Variants in DSG1 observed in about 807,000 individuals in gnomAD.
The protein encoded by DSG1 is desmoglein 1, also known as desmoglein-1.
Under a neutral mutation model 97.5 loss-of-function variants are expected in DSG1, and 39 were observed. The ratio of observed to expected loss-of-function variants is 0.40; its 90% CI spans 0.31 to 0.52. The LOEUF (loss-of-function observed/expected upper bound fraction) is 0.52, where lower values mean the gene tolerates loss of function less well. Among genes scored for constraint, DSG1 ranks in the 20% least tolerant of loss-of-function variants. The pLI is 0.53. For missense variants in DSG1, 1,311 were observed against 1,295.4 expected (o/e 1.01, Z -0.18); for synonymous variants, 475 against 443.4 (o/e 1.07, Z -0.90).
At chr18:31,345,950 A>G (rs1312121321) in intron 13 of DSG1, 40 bp from the exon 14 acceptor site, 1 of 1,546,918 alleles carries the variant, frequency 6.5e-7, no homozygotes, top group East Asian at 2.3e-5. Flanking sequence ...AGTTTATGAT[A>G]GACTAAAGAA....
chr18:31,333,357 T>C (rs2071732020), intron 6 of DSG1, among the ~76,000 whole-genome samples: 1 of 152,188 alleles, frequency 6.6e-6, no homozygotes, highest in Non-Finnish European at 1.5e-5. Context: ...GGACATATTA[T>C]TATTAATAAG....
intron 11 of DSG1, among the ~76,000 whole-genome samples, chr18:31,341,511 T>G (rs1258678443): frequency 2.0e-5 from 3 of 152,210 alleles, no homozygotes; most frequent in Non-Finnish European, 4.4e-5. Context: ...ATAACACAGC[T>G]TAGAGCTGGA....
At chr18:31,353,861 C>A (rs2071926591) in intron 14 of DSG1, 1 of 242,970 alleles carries the variant, frequency 4.1e-6, no homozygotes, top group Non-Finnish European at 8.0e-6. Flanking sequence ...CTGACCTGCA[C>A]CCACTGTCTG....
At chr18:31,326,489 T>A in intron 1 of DSG1, 92 bp from the exon 2 acceptor site, 1 of 1,007,636 alleles carries the variant, frequency 9.9e-7, no homozygotes, top group East Asian at 2.6e-5. Flanking sequence ...CACAAGCCTA[T>A]GGTTTCATGT....
chr18:31,353,787 C>T (rs982044652), intron 14 of DSG1: 2 of 170,292 alleles, frequency 1.2e-5, no homozygotes, highest in Non-Finnish European at 2.5e-5. Flanking sequence ...TCCCTGACCC[C>T]TTGCGCTTCC....
chr18:31,337,595 A>G (rs999674479), intron 9 of DSG1, among the ~76,000 whole-genome samples: 1 of 152,164 alleles, frequency 6.6e-6, no homozygotes, highest in African/African-American at 2.4e-5. Flanking sequence ...TTCTCCTCAC[A>G]TAGTGTGAGT....
Position 31,355,663 on chromosome 18 carries a change from C to T in DSG1, c.*317C>T, listed in dbSNP as rs2071950560. On this transcript the variant is annotated 3_prime_UTR_variant, in exon 15 of 15. Coordinates refer to ENST00000257192, the MANE Select transcript of DSG1 (RefSeq NM_001942.4). ...ATGGCAATTGGCATCATTCTCCTTG[C>T]TCTGTTTTGCTTTTCCATATAGCTC... 5.7e-6 allele frequency: 2 copies of T among 353,638 alleles called. No homozygotes were observed. The highest frequency in any genetic ancestry group is 1.1e-5 in the Non-Finnish European group (2 of 188,602). 21.9% of individuals were successfully genotyped at this position (353,638 alleles called of 1,614,324 possible). A position where few individuals can be genotyped will look rare whatever the true frequency, so the allele number is the denominator to read the frequency against.
At chr18:31,341,683 C>G (rs898768447) in intron 11 of DSG1, among the ~76,000 whole-genome samples, 8 of 152,010 alleles carry the variant, frequency 5.3e-5, no homozygotes, top group Non-Finnish European at 7.4e-5. Context: ...GCATTCTCAT[C>G]AAAATGAACC....
chr18:31,320,407 G>A (rs930075357), intron 1 of DSG1, among the ~76,000 whole-genome samples: 6 of 152,132 alleles, frequency 3.9e-5, no homozygotes, highest in African/African-American at 1.4e-4. Context: ...ATTTAAATTG[G>A]TAGTGTCTTT....
chr18:31,329,308 C>G (rs1568040648), intron 4 of DSG1, among the ~76,000 whole-genome samples: 1 of 152,030 alleles, frequency 6.6e-6, no homozygotes, highest in Non-Finnish European at 1.5e-5. Context: ...GTTACCTCTT[C>G]TATTAAAACC....
chr18:31,351,219 G>A (rs1376126707), intron 14 of DSG1, among the ~76,000 whole-genome samples: 7 of 148,774 alleles, frequency 4.7e-5, no homozygotes, highest in Admixed American at 1.3e-4. Flanking sequence ...CCTTCATTTC[G>A]TTATGTACCC....
In DSG1 at chr18:31,333,596, G is replaced by A. The variant is rs201719724; in HGVS notation, c.692G>A (p.Gly231Asp). 4.3e-6 allele frequency: 7 copies of A among 1,613,794 alleles called. 1 individual carries two copies. In the African/African-American group the frequency reaches 9.3e-5, roughly 22 times the overall value. ...TGTAATATGTATTTTTAGCAATACGGCCAGTATGCTCTTGCTGTAAGAGGC... is the reference window on the plus strand; with the variant it reads ...TGTAATATGTATTTTTAGCAATACGACCAGTATGCTCTTGCTGTAAGAGGC... ...MNNFLDREQYGQYALAVRGSD... is the reference protein window; with the variant it reads ...MNNFLDREQYDQYALAVRGSD... The change falls in exon 7 of 15, where the codon GGC becomes GAC. Residue 231 changes from glycine to aspartate, a missense_variant. This residue lies in a region of DSG1 where 259 missense variants were observed against 304.1 expected (regional missense o/e 0.85). Transcript: ENST00000257192.
chr18:31,345,319 T>C, intron 13 of DSG1: 1 of 152,324 alleles, frequency 6.6e-6, no homozygotes, highest in Non-Finnish European at 1.5e-5. Context: ...CCGGCCATCA[T>C]TTTATCTCAC....
At chr18:31,327,033 T>C (rs2071690028) in intron 3 of DSG1, 28 bp downstream of exon 3, 2 of 1,612,882 alleles carry the variant, frequency 1.2e-6, no homozygotes, top group African/African-American at 2.7e-5. Flanking sequence ...AGCATAACAT[T>C]GAAAATCAGA....
chr18:31,345,969 T>G, intron 13 of DSG1, 21 bp from the exon 14 acceptor site: 2 of 1,600,692 alleles, frequency 1.2e-6, no homozygotes, highest in Non-Finnish European at 8.6e-7. Flanking sequence ...AAAATAAATT[T>G]AATTTGATCA....
chr18:31,322,511 T>A (rs2071660645), intron 1 of DSG1, among the ~76,000 whole-genome samples: 1 of 152,218 alleles, frequency 6.6e-6, no homozygotes, highest in African/African-American at 2.4e-5. Context: ...ACATTCAGTA[T>A]GTACTTGTAA....
intron 8 of DSG1, among the ~76,000 whole-genome samples, chr18:31,335,890 CACTT>C (rs2071748761): frequency 6.6e-6 from 1 of 151,160 alleles, no homozygotes; most frequent in Admixed American, 6.6e-5. Flanking sequence ...CAAAGAGTCA[CACTT>C]ACAGATGTGA....
At chr18:31,347,477 AT>A in intron 14 of DSG1, among the ~76,000 whole-genome samples, 1 of 152,278 alleles carries the variant, frequency 6.6e-6, no homozygotes, top group South Asian at 2.1e-4. Flanking sequence ...GAACAGCTGT[AT>A]CTGGTATTGT....
chr18:31,321,765 C>T (rs955469867), intron 1 of DSG1, among the ~76,000 whole-genome samples: 3 of 152,192 alleles, frequency 2.0e-5, no homozygotes, highest in African/African-American at 7.2e-5. Flanking sequence ...TAACAAATCT[C>T]ATCAATCTAG....
Sources: gnomAD v4.1 joint callset for allele counts (sites outside exome capture counted in the v4.1 genomes callset) on GRCh38, gnomAD v4.1.1 for gene constraint, gnomAD v4.1.1 regional missense constraint, MANE v1.5 for transcripts, NCBI Gene and HGNC (gene_info 2026-07-23, HGNC 2026-07-21) for gene names.